Variants in LRP1B observed in about 807,000 individuals in gnomAD.
LRP1B encodes the protein LDL receptor related protein 1B.
Under a neutral mutation model 556.6 loss-of-function variants are expected in LRP1B, and 217 were observed. The ratio of observed to expected loss-of-function variants is 0.39; its 90% CI spans 0.35 to 0.44. The LOEUF is 0.44. LRP1B is among the 20% of genes least tolerant of loss of function. The pLI is 1.00. For synonymous variants in LRP1B, 2,047 were observed against 1,865.8 expected, an observed-to-expected ratio of 1.10 and a Z score of -2.50; for missense variants, 5,053 against 5,620.8, an observed-to-expected ratio of 0.90 and a Z score of 3.23.
chr2:141,739,868 T>G (rs938083371), intron 2 of LRP1B, among the ~76,000 whole-genome samples: 17 of 152,110 alleles, frequency 1.1e-4, no homozygotes. Flanking sequence ...CCTCAAAGCA[T>G]AGTTCAAGAC....
At chr2:141,840,418 T>C (rs1697428291) in intron 1 of LRP1B, among the ~76,000 whole-genome samples, 1 of 151,728 alleles carries the variant, frequency 6.6e-6, no homozygotes, top group Non-Finnish European at 1.5e-5. Flanking sequence ...CACCCGCCAC[T>C]ACGCCCAGCT....
chr2:140,943,802 A>T (rs1217785832), intron 20 of LRP1B, among the ~76,000 whole-genome samples: 1 of 152,052 alleles, frequency 6.6e-6, no homozygotes, highest in Non-Finnish European at 1.5e-5. Flanking sequence ...AGCACTAAAC[A>T]TCTACATCAG....
chr2:141,840,046 T>C (rs1169332851), intron 1 of LRP1B, among the ~76,000 whole-genome samples: 1 of 152,130 alleles, frequency 6.6e-6, no homozygotes, highest in African/African-American at 2.4e-5. Flanking sequence ...ATGTTTTCCT[T>C]TAGTCCTCTC....
chr2:140,435,521 G>T (rs556857550), intron 66 of LRP1B, among the ~76,000 whole-genome samples: 26 of 151,856 alleles, frequency 1.7e-4, no homozygotes, highest in South Asian at 8.3e-4. Flanking sequence ...ATCCCCACTG[G>T]GCAAAAAGCT....
chr2:140,564,210 T>C (rs1045598152), intron 43 of LRP1B, among the ~76,000 whole-genome samples: 1 of 152,182 alleles, frequency 6.6e-6, no homozygotes. Flanking sequence ...TTAGTTTTTC[T>C]GAACTAAGAT....
intron 18 of LRP1B, among the ~76,000 whole-genome samples, chr2:140,964,953 C>T (rs1031426238): frequency 6.6e-6 from 1 of 151,820 alleles, no homozygotes; most frequent in Admixed American, 6.6e-5. Context: ...GACTCCAACT[C>T]GGGAGGGAAG....
intron 22 of LRP1B, among the ~76,000 whole-genome samples, chr2:140,904,227 A>C (rs1245570295): frequency 1.3e-5 from 2 of 152,124 alleles, no homozygotes; most frequent in African/African-American, 2.4e-5. Context: ...TTTCAATATG[A>C]CATGCTTACA....
rs527509658 is a variant in LRP1B, at chr2:141,752,809, G to T, written c.205+57470C>A. Among the ~76,000 whole-genome samples, 169 of 150,828 alleles carry T rather than the reference G, an allele frequency of 1.1e-3. No individual in the cohort carries two copies. In the East Asian group the frequency reaches 0.02, roughly 18 times the overall value. On this transcript the variant is annotated intron_variant, in intron 2 of 90. Coordinates refer to ENST00000389484, the MANE Select transcript of LRP1B (RefSeq NM_018557.3). ...CAAAAAATTAGCTGGTTTTGGTGGT[G>T]CATGCCTGTGGTCCCTGCGACTTGC...
intron 84 of LRP1B, among the ~76,000 whole-genome samples, chr2:140,294,553 C>A (rs571589781): frequency 1.3e-5 from 2 of 152,240 alleles, no homozygotes; most frequent in South Asian, 4.2e-4. Context: ...TTTCAAAAAG[C>A]AAATGGTGTT....
intron 1 of LRP1B, among the ~76,000 whole-genome samples, chr2:142,102,097 C>A (rs966048294): frequency 6.6e-6 from 1 of 151,946 alleles, no homozygotes; most frequent in African/African-American, 2.4e-5. Flanking sequence ...AAACAAAAGA[C>A]GTAGACATTG....
At chr2:141,327,875 T>TGAGAGA (rs757095809) in intron 3 of LRP1B, among the ~76,000 whole-genome samples, 1 of 90,656 alleles carries the variant, frequency 1.1e-5, no homozygotes, top group Admixed American at 9.3e-5. Flanking sequence ...AGATAAAGAG[T>TGAGAGA]GAGAGAGAGA....
chr2:141,632,638 T>A (rs1298126451), intron 2 of LRP1B, among the ~76,000 whole-genome samples: 1 of 152,206 alleles, frequency 6.6e-6, no homozygotes, highest in Admixed American at 6.5e-5. Context: ...AGAAAGTTTT[T>A]AAATATATTT....
At position 141,812,045 on chromosome 2, in the gene LRP1B, G is replaced by GA. The variant is rs548375765; in HGVS notation, c.83-1645dup. ...GTAATAATTATTGCAGTGCATTTGAGAAAAAATACATTTTCTACTGAAATG... is the reference window on the plus strand; with the variant it reads ...GTAATAATTATTGCAGTGCATTTGAGAAAAAAATACATTTTCTACTGAAATG... On this transcript the variant is annotated intron_variant, in intron 1 of 90. Coordinates refer to ENST00000389484, the MANE Select transcript of LRP1B (RefSeq NM_018557.3). Among the ~76,000 whole-genome samples, 4 of 152,148 alleles carry GA rather than the reference G, an allele frequency of 2.6e-5. No homozygotes were observed. The East Asian group carries it at 7.7e-4, about 29-fold the overall frequency.
In LRP1B at chr2:140,850,087, G is replaced by A; in HGVS notation, c.4939+15C>T. The stretch of plus-strand genomic sequence containing the variant: ...ACAAACACTTTTAAAGTTGTAACAT[G>A]TACGAATCTTTTACCTCTTGAAATA... On this transcript the variant is annotated intron_variant, in intron 29 of 90. Coordinates refer to ENST00000389484, the MANE Select transcript of LRP1B (RefSeq NM_018557.3). 6.7e-7 allele frequency: 1 copy of A among 1,482,496 alleles called. No homozygotes were observed. The highest frequency in any genetic ancestry group is 9.4e-7 in the Non-Finnish European group (1 of 1,062,898). 91.8% of individuals were successfully genotyped at this position (1,482,496 alleles called of 1,614,324 possible).
intron 7 of LRP1B, among the ~76,000 whole-genome samples, chr2:141,121,765 T>G (rs972400915): frequency 7.0e-6 from 1 of 143,200 alleles, no homozygotes. Context: ...AAAGTTCATA[T>G]GGAACCAAAA....
At chr2:141,793,101 C>T (rs1168432202) in intron 2 of LRP1B, among the ~76,000 whole-genome samples, 1 of 151,870 alleles carries the variant, frequency 6.6e-6, no homozygotes, top group African/African-American at 2.4e-5. Context: ...TTGTACATTA[C>T]ACATTGTGAA....
chr2:141,798,268 G>C (rs1695887260), intron 2 of LRP1B, among the ~76,000 whole-genome samples: 1 of 152,138 alleles, frequency 6.6e-6, no homozygotes, highest in South Asian at 2.1e-4. Flanking sequence ...GATAAATCCA[G>C]TGTATACAGG....
chr2:141,896,241 T>C (rs931349446), intron 1 of LRP1B, among the ~76,000 whole-genome samples: 22 of 152,282 alleles, frequency 1.4e-4, no homozygotes, highest in Admixed American at 1.0e-3. Flanking sequence ...CGGGTTCAGC[T>C]ACAATATTTC....
chr2:141,722,451 A>G (rs548498236), intron 2 of LRP1B, among the ~76,000 whole-genome samples: 18 of 152,274 alleles, frequency 1.2e-4, no homozygotes, highest in African/African-American at 4.1e-4. Context: ...TCTTTGGTGC[A>G]TAATTTAGAG....
Sources: allele counts gnomAD v4.1 joint callset (sites outside exome capture counted in the v4.1 genomes callset), GRCh38; gene constraint gnomAD v4.1.1; transcripts MANE v1.5; gene names NCBI Gene and HGNC (gene_info 2026-07-23, HGNC 2026-07-21).